ANKRD11: variants seen among roughly 807,000 people sequenced by gnomAD.
ANKRD11 encodes the protein ankyrin repeat domain 11.
ANKRD11 carries 17 observed loss-of-function variants against 195.7 expected under a neutral mutation model. That is an observed-to-expected ratio of 0.09 (90% CI 0.06 to 0.13). The LOEUF (loss-of-function observed/expected upper bound fraction) is 0.13. ANKRD11 is among the 10% of genes least tolerant of loss of function. The pLI, the probability that ANKRD11 is intolerant of heterozygous loss-of-function variation, is 1.00. For synonymous variants in ANKRD11, 1,953 were observed against 1,528.1 expected, an observed-to-expected ratio of 1.28 and a Z score of -6.49; for missense variants, 3,735 against 3,566.1, an observed-to-expected ratio of 1.05 and a Z score of -1.21.
intron 1 of ANKRD11, among the ~76,000 whole-genome samples, chr16:89,449,833 G>GT (rs2043986075): frequency 6.6e-6 from 1 of 151,866 alleles, no homozygotes; most frequent in African/African-American, 2.4e-5. Context: ...GGTGAGCTAG[G>GT]TAAGGTGCTC....
At chr16:89,355,310 C>T (rs2039420866) in intron 2 of ANKRD11, among the ~76,000 whole-genome samples, 1 of 152,138 alleles carries the variant, frequency 6.6e-6, no homozygotes, top group Non-Finnish European at 1.5e-5. Context: ...GGGCGGACGG[C>T]TCACACAGAC....
At chr16:89,360,995 T>A (rs1440292039) in intron 2 of ANKRD11, among the ~76,000 whole-genome samples, 2 of 152,134 alleles carry the variant, frequency 1.3e-5, no homozygotes, top group Non-Finnish European at 2.9e-5. Context: ...TCCAGATGGA[T>A]CCGATCCAAC....
chr16:89,464,743 A>T (rs1327955133), intron 1 of ANKRD11, among the ~76,000 whole-genome samples: 3 of 152,216 alleles, frequency 2.0e-5, no homozygotes, highest in Non-Finnish European at 4.4e-5. Flanking sequence ...AAGTAAATGA[A>T]ATCAGACAAA....
intron 2 of ANKRD11, among the ~76,000 whole-genome samples, chr16:89,416,589 T>C (rs561401019): frequency 6.6e-6 from 1 of 151,826 alleles, no homozygotes; most frequent in Admixed American, 6.6e-5. Context: ...TGAGCCACTG[T>C]GCCTGGCCAC....
At chr16:89,316,873 T>G in intron 3 of ANKRD11, 60 bp downstream of exon 3, 2 of 1,574,838 alleles carry the variant, frequency 1.3e-6, no homozygotes, top group Non-Finnish European at 1.7e-6. Context: ...AGCACCCCAT[T>G]CCCACCTCAT....
intron 1 of ANKRD11, among the ~76,000 whole-genome samples, chr16:89,423,489 G>A (rs1351601454): frequency 1.3e-5 from 2 of 152,324 alleles, no homozygotes; most frequent in African/African-American, 2.4e-5. Context: ...GCGGAGCTGT[G>A]GCTTTCTTGA....
intron 1 of ANKRD11, among the ~76,000 whole-genome samples, chr16:89,462,155 A>G (rs1270760974): frequency 1.3e-5 from 2 of 149,220 alleles, no homozygotes; most frequent in Non-Finnish European, 3.0e-5. Flanking sequence ...TACTGCTGCC[A>G]TCTCGGCTCA....
chr16:89,485,525 G>C (rs2057584086), intron 1 of ANKRD11, among the ~76,000 whole-genome samples: 1 of 152,038 alleles, frequency 6.6e-6, no homozygotes, highest in Non-Finnish European at 1.5e-5. Context: ...CTTAGAGCTA[G>C]AATAGTATCT....
chr16:89,359,571 C>A (rs2039638319), intron 2 of ANKRD11, among the ~76,000 whole-genome samples: 1 of 152,208 alleles, frequency 6.6e-6, no homozygotes, highest in South Asian at 2.1e-4. Flanking sequence ...TAATCCCACA[C>A]TCTGAGCCTT....
chr16:89,342,084 GCT>G (rs2038715725), intron 2 of ANKRD11, among the ~76,000 whole-genome samples: 1 of 152,040 alleles, frequency 6.6e-6, no homozygotes, highest in African/African-American at 2.4e-5. Flanking sequence ...ACCGCCCACA[GCT>G]CTGCTTCCCA....
At chr16:89,477,429 C>G (rs1472059420) in intron 1 of ANKRD11, among the ~76,000 whole-genome samples, 1 of 152,072 alleles carries the variant, frequency 6.6e-6, no homozygotes, top group Non-Finnish European at 1.5e-5. Flanking sequence ...GATTCTGGCT[C>G]ACTGCAACCT....
chr16:89,424,454 G>A (rs375314394), intron 1 of ANKRD11, among the ~76,000 whole-genome samples: 1 of 122,536 alleles, frequency 8.2e-6, no homozygotes, highest in Non-Finnish European at 1.8e-5. Context: ...AAAAAAAAAA[G>A]AGAGAGAAAG....
intron 1 of ANKRD11, among the ~76,000 whole-genome samples, chr16:89,423,750 T>C (rs962845124): frequency 6.6e-4 from 100 of 152,206 alleles, no homozygotes; most frequent in African/African-American, 2.2e-3. Flanking sequence ...TTCGATGGTG[T>C]AAGAAAACGT....
chr16:89,490,053 G>A (rs1420518406), intron 1 of ANKRD11, among the ~76,000 whole-genome samples, 192 bp downstream of exon 1: 2 of 130,640 alleles, frequency 1.5e-5, no homozygotes, highest in South Asian at 2.4e-4. Context: ...GGCCCGCTCC[G>A]GGACCCATTA....
intron 1 of ANKRD11, among the ~76,000 whole-genome samples, chr16:89,472,074 C>T (rs1372590164): frequency 1.3e-5 from 2 of 152,128 alleles, no homozygotes; most frequent in African/African-American, 4.8e-5. Flanking sequence ...CTCCACCGGG[C>T]AGAAAGAGCA....
In ANKRD11 at chr16:89,279,251, G is replaced by A. The variant is rs2033943279; in HGVS notation, c.7291C>T (p.His2431Tyr). ...AAGTAGGGGTTGGCCCTGTCGCTGT[G>A]GTAGGGCTCGATGGCATCCAGCTTG... ...AIKLDAIEPY[H>Y]SDRANPYFEY... The change falls in exon 9 of 13, where the codon CAC becomes TAC. Residue 2431 changes from histidine to tyrosine, a missense_variant. His to Tyr is a moderately conservative substitution (Grantham distance 83, BLOSUM62 2). Transcript: ENST00000301030. This position sits in a 1 kb window ranked among gnomAD's most constrained non-coding sequence, Gnocchi z 5.6. 1 of 1,611,676 alleles carries A rather than the reference G, an allele frequency of 6.2e-7. No homozygotes were observed. Among genetic ancestry groups the A allele is most frequent in the African/African-American group, 1.3e-5 (1 of 74,854 alleles).
intron 1 of ANKRD11, among the ~76,000 whole-genome samples, chr16:89,469,468 C>A (rs1219286700): frequency 6.6e-6 from 1 of 152,022 alleles, no homozygotes; most frequent in Admixed American, 6.6e-5. Flanking sequence ...GGTGATCCAC[C>A]CACCTTGGCC....
intron 1 of ANKRD11, among the ~76,000 whole-genome samples, chr16:89,470,097 G>A (rs575140752): frequency 2.1e-4 from 32 of 151,520 alleles, no homozygotes; most frequent in African/African-American, 7.7e-4. Context: ...TAGTAGAGAC[G>A]GGGTTTCACC....
intron 1 of ANKRD11, among the ~76,000 whole-genome samples, chr16:89,458,426 A>G (rs1037442317): frequency 5.3e-5 from 8 of 152,126 alleles, no homozygotes; most frequent in Non-Finnish European, 7.4e-5. Flanking sequence ...GGGTTTCACC[A>G]TGTTAGCCAG....
Sources: gnomAD v4.1 joint callset for allele counts (sites outside exome capture counted in the v4.1 genomes callset) on GRCh38, gnomAD v4.1.1 for gene constraint, Gnocchi (gnomAD v3.1) non-coding constraint, MANE v1.5 for transcripts, NCBI Gene and HGNC (gene_info 2026-07-23, HGNC 2026-07-21) for gene names.